ENKUR: variants seen among roughly 807,000 people sequenced by gnomAD.
The protein encoded by ENKUR is enkurin, TRPC channel interacting protein, also known as enkurin.
In ENKUR, 19 loss-of-function variants were observed where a neutral mutation model predicts 27.6. The ratio of observed to expected loss-of-function variants is 0.69; its 90% CI spans 0.48 to 1.01. The LOEUF is 1.01. Among genes scored for constraint, ENKUR ranks in the 50% least tolerant of loss-of-function variants. The probability of loss-of-function intolerance (pLI) is 0.00; values close to 1 mark genes in which losing one functional copy is unlikely to be tolerated. For missense variants in ENKUR, 312 were observed against 310.5 expected (o/e 1.00, Z -0.04); for synonymous variants, 117 against 96.9 (o/e 1.21, Z -1.22).
At chr10:25,037,564 T>C (rs1851021697) in intron 2 of ENKUR, among the ~76,000 whole-genome samples, 2 of 152,162 alleles carry the variant, frequency 1.3e-5, no homozygotes, top group Admixed American at 1.3e-4. Context: ...GAAAGTAAAA[T>C]GACTCAATTA....
intron 2 of ENKUR, among the ~76,000 whole-genome samples, chr10:25,049,570 C>T (rs1404106222): frequency 6.6e-6 from 1 of 151,992 alleles, no homozygotes; most frequent in East Asian, 1.9e-4. Context: ...GGCAGATCAC[C>T]TGAGGTCAGG....
upstream of ENKUR, among the ~76,000 whole-genome samples, chr10:25,017,221 T>G (rs1429782311): frequency 1.3e-5 from 2 of 152,186 alleles, no homozygotes; most frequent in Non-Finnish European, 2.9e-5. Flanking sequence ...TGGTGTCCCT[T>G]GTTGGAAAAT....
At chr10:24,996,142 C>T (rs1303032595) in intron 2 of ENKUR, among the ~76,000 whole-genome samples, 1 of 152,166 alleles carries the variant, frequency 6.6e-6, no homozygotes, top group Non-Finnish European at 1.5e-5. Context: ...TTAAGGGCAA[C>T]ATAATCAATT....
At chr10:25,061,409 A>C in intron 1 of ENKUR, 1 of 399,236 alleles carries the variant, frequency 2.5e-6, no homozygotes, top group Non-Finnish European at 4.4e-6. Flanking sequence ...GCAAGGTGGA[A>C]CCTCCCAACA....
At chr10:25,027,263 G>A (rs1318635646) in intron 2 of ENKUR, among the ~76,000 whole-genome samples, 3 of 149,252 alleles carry the variant, frequency 2.0e-5, no homozygotes, top group Non-Finnish European at 4.4e-5. Context: ...GGCTGAGGCA[G>A]GAGAATGGCA....
chr10:25,025,256 C>G, intron 2 of ENKUR: 2 of 1,614,162 alleles, frequency 1.2e-6, no homozygotes, highest in Non-Finnish European at 1.7e-6. Context: ...ATCATGCAGG[C>G]TTTAAAGATT....
At chr10:25,014,961 T>C (rs1245153160) in intron 1 of ENKUR, among the ~76,000 whole-genome samples, 1 of 152,160 alleles carries the variant, frequency 6.6e-6, no homozygotes, top group African/African-American at 2.4e-5. Context: ...AAATGAAACT[T>C]TATTCTAAAG....
At chr10:25,025,628 G>A (rs1850835396) in intron 2 of ENKUR, 3 of 637,688 alleles carry the variant, frequency 4.7e-6, no homozygotes, top group Non-Finnish European at 5.4e-6. Context: ...CACCTCCTCA[G>A]ATCTTTAATC....
At chr10:25,019,628 T>C (rs1485096837), upstream of ENKUR, among the ~76,000 whole-genome samples, 1 of 152,276 alleles carries the variant, frequency 6.6e-6, no homozygotes, top group East Asian at 1.9e-4. Flanking sequence ...GCACAGGTTA[T>C]ATGCAAATAC....
At chr10:25,011,642 C>G (rs1850446661) in intron 1 of ENKUR, among the ~76,000 whole-genome samples, 1 of 152,078 alleles carries the variant, frequency 6.6e-6, no homozygotes, top group African/African-American at 2.4e-5. Context: ...AGAAGAAAAC[C>G]TAGGCATTAC....
chr10:25,043,165 G>T (rs952057086), intron 2 of ENKUR, among the ~76,000 whole-genome samples: 1 of 152,072 alleles, frequency 6.6e-6, no homozygotes, highest in African/African-American at 2.4e-5. Flanking sequence ...TAATGTAATT[G>T]CCATTACCAT....
chr10:25,035,605 A>G (rs944716530), intron 2 of ENKUR, among the ~76,000 whole-genome samples: 6 of 151,670 alleles, frequency 4.0e-5, no homozygotes, highest in Non-Finnish European at 5.9e-5. Context: ...TGGTTGCTCT[A>G]TTTTTCCAGT....
At chr10:25,043,042 C>A (rs1257529636) in intron 2 of ENKUR, among the ~76,000 whole-genome samples, 1 of 151,900 alleles carries the variant, frequency 6.6e-6, no homozygotes, top group East Asian at 1.9e-4. Context: ...TATGTGAGAG[C>A]GGCATTATGT....
chr10:24,996,791 G>A (rs865848655), intron 2 of ENKUR, among the ~76,000 whole-genome samples: 1 of 152,108 alleles, frequency 6.6e-6, no homozygotes, highest in South Asian at 2.1e-4. Flanking sequence ...AACTGGATTA[G>A]CCTCTTGTTA....
At chr10:25,016,208 A>T, upstream of ENKUR, 5 of 1,161,768 alleles carry the variant, frequency 4.3e-6, no homozygotes, top group Non-Finnish European at 4.2e-6. Context: ...GGCAGGCAGC[A>T]CCGCAAACTA....
intron 2 of ENKUR, among the ~76,000 whole-genome samples, chr10:25,051,727 G>A (rs1253359345): frequency 1.3e-5 from 2 of 152,208 alleles, no homozygotes; most frequent in East Asian, 1.9e-4. Flanking sequence ...GGAGATTTGG[G>A]CAGGGACAAA....
intron 2 of ENKUR, chr10:25,023,566 G>A: frequency 6.2e-7 from 1 of 1,614,130 alleles, no homozygotes; most frequent in Non-Finnish European, 8.5e-7. Context: ...TTTAGAAGAG[G>A]AAGGAAAAGC....
intron 2 of ENKUR, 85 bp downstream of exon 2, chr10:24,999,316 T>G (rs1850137111): frequency 2.3e-6 from 3 of 1,314,852 alleles, no homozygotes; most frequent in Non-Finnish European, 3.1e-6. Flanking sequence ...CACCTGTGCA[T>G]GTTTAATATT....
chr10:25,054,239 G>C (rs1013149025), intron 2 of ENKUR, among the ~76,000 whole-genome samples: 1 of 151,982 alleles, frequency 6.6e-6, no homozygotes, highest in Non-Finnish European at 1.5e-5. Flanking sequence ...TGGCCAACAT[G>C]GTAAAACCCC....
Sources: allele counts gnomAD v4.1 joint callset (sites outside exome capture counted in the v4.1 genomes callset), GRCh38; gene constraint gnomAD v4.1.1; transcripts MANE v1.5; gene names NCBI Gene and HGNC (gene_info 2026-07-23, HGNC 2026-07-21).